Variants in STK10 observed in about 807,000 individuals in gnomAD.
STK10 encodes the protein serine/threonine-protein kinase 10.
In STK10, 78 loss-of-function variants were observed where a neutral mutation model predicts 113.8. That is an observed-to-expected ratio of 0.69 (90% CI 0.57 to 0.83). STK10 has a LOEUF of 0.83. Ranked by LOEUF, STK10 falls within the 40% of genes least tolerant of loss-of-function variation. The pLI is 0.00. For synonymous variants in STK10, 465 were observed against 494.7 expected (o/e 0.94, Z 0.80); for missense variants, 1,109 against 1,280.1 (o/e 0.87, Z 2.04).
chr5:172,125,157 A>T (rs986258644), intron 3 of STK10, among the ~76,000 whole-genome samples: 4 of 152,236 alleles, frequency 2.6e-5, no homozygotes, highest in Non-Finnish European at 5.9e-5. Flanking sequence ...CATTTGTGGA[A>T]GATAAACTTT....
At chr5:172,185,500 C>A (rs894334289) in intron 1 of STK10, among the ~76,000 whole-genome samples, 2 of 152,188 alleles carry the variant, frequency 1.3e-5, no homozygotes, top group African/African-American at 4.8e-5. Flanking sequence ...ATTTCCTGAC[C>A]TCATGATCTG....
At chr5:172,153,251 A>T (rs1243865245) in intron 2 of STK10, among the ~76,000 whole-genome samples, 1 of 148,508 alleles carries the variant, frequency 6.7e-6, no homozygotes, top group South Asian at 2.1e-4. Context: ...GCGCCATTGC[A>T]CTCCAGCCTG....
chr5:172,082,450 T>G lies in STK10; in HGVS notation c.1865A>C (p.Gln622Pro). 3.7e-6 allele frequency: 6 copies of G among 1,611,008 alleles called. No homozygotes were observed. Among genetic ancestry groups the G allele is most frequent in the Non-Finnish European group, 5.1e-6 (6 of 1,178,718 alleles). The change falls in exon 12 of 19, where the codon CAG becomes CCG. Residue 622 changes from glutamine to proline, a missense_variant. Coordinates refer to ENST00000176763, the MANE Select transcript of STK10 (RefSeq NM_005990.4). The surrounding 1 kb of genome is among the most constrained non-coding windows in gnomAD (Gnocchi z 4.3). Reference protein sequence around the residue: ...ELENLERQQKQQVEKMEQDHA... With the variant: ...ELENLERQQKPQVEKMEQDHA... ...GTCTTGCTCCATCTTCTCCACTTGC[T>G]GCTTTTGCTGACGCTCCAGGTTCTC...
At chr5:172,162,661 G>A (rs1770494488) in intron 1 of STK10, among the ~76,000 whole-genome samples, 1 of 152,184 alleles carries the variant, frequency 6.6e-6, no homozygotes, top group Non-Finnish European at 1.5e-5. Context: ...AAGGTTGAAG[G>A]CTTAGTGGAG....
chr5:172,188,168 C>T lies in STK10; in HGVS notation c.-126G>A. The T allele has an allele frequency of 7.0e-7, 1 of 1,437,614 alleles. No homozygotes were observed. The highest frequency in any genetic ancestry group is 9.2e-7 in the Non-Finnish European group (1 of 1,089,198). The allele number at this position is 1,437,614 out of a possible 1,614,324, so 89.1% of individuals were successfully genotyped here. ...CTCTCGGGGTTCTCCCCAGACCCGC[C>T]TTTCCCCGCAGCCCGACCTCGGTCA... On this transcript the variant is annotated 5_prime_UTR_variant, in exon 1 of 19. Transcript: ENST00000176763. The surrounding 1 kb of genome is among the most constrained non-coding windows in gnomAD (Gnocchi z 5.6).
At chr5:172,073,299 C>T (rs1193985293) in intron 12 of STK10, among the ~76,000 whole-genome samples, 1 of 152,100 alleles carries the variant, frequency 6.6e-6, no homozygotes, top group Non-Finnish European at 1.5e-5. Context: ...ATTACAGATG[C>T]ACACCACCAC....
At chr5:172,072,902 T>A (rs926580980) in intron 12 of STK10, among the ~76,000 whole-genome samples, 1 of 152,166 alleles carries the variant, frequency 6.6e-6, no homozygotes, top group African/African-American at 2.4e-5. Flanking sequence ...TACTAATAAG[T>A]GAGTTTAACA....
At chr5:172,164,211 T>TAAAAAAAAAA (rs57573746) in intron 1 of STK10, among the ~76,000 whole-genome samples, 1 of 84,630 alleles carries the variant, frequency 1.2e-5, no homozygotes, top group Non-Finnish European at 2.3e-5. Context: ...AAACTCCATC[T>TAAAAAAAAAA]AAAAAAAAAA....
At chr5:172,174,070 T>C (rs758292640) in intron 1 of STK10, among the ~76,000 whole-genome samples, 1 of 151,410 alleles carries the variant, frequency 6.6e-6, no homozygotes, top group African/African-American at 2.4e-5. Context: ...AGCCACGTCA[T>C]AACCACAATG....
At chr5:172,172,643 G>C (rs949661133) in intron 1 of STK10, among the ~76,000 whole-genome samples, 2 of 152,210 alleles carry the variant, frequency 1.3e-5, no homozygotes, top group African/African-American at 4.8e-5. Context: ...AATGCCAACT[G>C]CTGAGCTGCG....
At chr5:172,110,595 T>C (rs1219814913) in intron 4 of STK10, among the ~76,000 whole-genome samples, 1 of 151,240 alleles carries the variant, frequency 6.6e-6, no homozygotes, top group Non-Finnish European at 1.5e-5. Context: ...GCAAACAGAC[T>C]GGGAGGCAGG....
At chr5:172,177,793 G>A (rs1229686285) in intron 1 of STK10, among the ~76,000 whole-genome samples, 1 of 152,124 alleles carries the variant, frequency 6.6e-6, no homozygotes, top group African/African-American at 2.4e-5. Flanking sequence ...AGCATCATTA[G>A]CCCAGAGACA....
intron 18 of STK10, among the ~76,000 whole-genome samples, chr5:172,050,766 G>C (rs1286675273): frequency 6.6e-6 from 1 of 151,416 alleles, no homozygotes; most frequent in African/African-American, 2.4e-5. Context: ...AGGCGGGAGT[G>C]CAGTAGTGCA....
chr5:172,171,696 CA>C (rs2113833914), intron 1 of STK10, among the ~76,000 whole-genome samples: 1 of 104,924 alleles, frequency 9.5e-6, no homozygotes, highest in South Asian at 2.8e-4. Flanking sequence ...ACCTGAGCGA[CA>C]GAGTGAAACT....
Position 172,044,700 on chromosome 5 carries a change from C to A in STK10, c.*182G>T. The A allele has an allele frequency of 2.2e-6, 2 of 921,888 alleles. No homozygotes were observed. Among genetic ancestry groups the A allele is most frequent in the Non-Finnish European group, 1.7e-6 (1 of 605,274 alleles). 57.1% of individuals were successfully genotyped at this position (921,888 alleles called of 1,614,324 possible). A position where few individuals can be genotyped will look rare whatever the true frequency, so the allele number is the denominator to read the frequency against. The stretch of plus-strand genomic sequence containing the variant: ...TTACACCTCACCCTCCACAGGCCAG[C>A]AAGAAGTCAGGAACGCTGGGGCAGG... On this transcript the variant is annotated 3_prime_UTR_variant, in exon 19 of 19. Coordinates refer to ENST00000176763, the MANE Select transcript of STK10 (RefSeq NM_005990.4). The surrounding 1 kb of genome is among the most constrained non-coding windows in gnomAD (Gnocchi z 4.5).
At chr5:172,119,754 C>T (rs1370757469) in intron 3 of STK10, among the ~76,000 whole-genome samples, 1 of 145,510 alleles carries the variant, frequency 6.9e-6, no homozygotes, top group Non-Finnish European at 1.5e-5. Flanking sequence ...GTCCCAGCTA[C>T]TCGGGAGGCT....
chr5:172,055,934 A>G (rs1262712681), intron 15 of STK10, among the ~76,000 whole-genome samples, 158 bp from the exon 16 acceptor site: 1 of 152,182 alleles, frequency 6.6e-6, no homozygotes, highest in African/African-American at 2.4e-5. Context: ...TTCTACACTA[A>G]TAACATTATT....
intron 18 of STK10, among the ~76,000 whole-genome samples, chr5:172,047,101 T>A (rs1431429016): frequency 6.6e-6 from 1 of 152,240 alleles, no homozygotes; most frequent in Non-Finnish European, 1.5e-5. Flanking sequence ...GGCAGGGGGT[T>A]CACAGGCTGC....
At chr5:172,143,669 C>T (rs1002884428) in intron 2 of STK10, among the ~76,000 whole-genome samples, 1 of 152,184 alleles carries the variant, frequency 6.6e-6, no homozygotes, top group African/African-American at 2.4e-5. Context: ...GCTGTTTTCC[C>T]ATCTGGAAAA....
Sources: gnomAD v4.1 joint callset for allele counts (sites outside exome capture counted in the v4.1 genomes callset) on GRCh38, gnomAD v4.1.1 for gene constraint, Gnocchi (gnomAD v3.1) non-coding constraint, MANE v1.5 for transcripts, NCBI Gene and HGNC (gene_info 2026-07-23, HGNC 2026-07-21) for gene names.